AGPAT3: variants seen among roughly 807,000 people sequenced by gnomAD.
The protein encoded by AGPAT3 is 1-acylglycerol-3-phosphate O-acyltransferase 3.
Under a neutral mutation model 47.3 loss-of-function variants are expected in AGPAT3, and 5 were observed. The ratio of observed to expected loss-of-function variants is 0.11; its 90% confidence interval spans 0.06 to 0.22. The LOEUF is 0.22. Among genes scored for constraint, AGPAT3 ranks in the 10% least tolerant of loss-of-function variants. AGPAT3 has a pLI of 1.00. For missense variants in AGPAT3, 315 were observed against 493.0 expected, an observed-to-expected ratio of 0.64 and a Z score of 3.42; for synonymous variants, 212 against 208.3, an observed-to-expected ratio of 1.02 and a Z score of -0.15.
chr21:43,938,425 A>G (rs2087526573), intron 2 of AGPAT3, among the ~76,000 whole-genome samples: 1 of 141,322 alleles, frequency 7.1e-6, no homozygotes, highest in South Asian at 2.2e-4. Flanking sequence ...CTCCTGCCTC[A>G]GCCTCCTGAG....
rs1156959676 is a variant in AGPAT3 at position 43,981,553 on chromosome 21, A to G, written c.1042+366A>G. 5.9e-6 allele frequency: 2 copies of G among 338,606 alleles called. No homozygotes were observed. The highest frequency in any genetic ancestry group is 2.1e-5 in the African/African-American group (1 of 47,558). The allele number at this position is 338,606 out of a possible 1,614,324, so 21.0% of individuals were successfully genotyped here. A position where few individuals can be genotyped will look rare whatever the true frequency, so the allele number is the denominator to read the frequency against. On this transcript the variant is annotated intron_variant, in intron 9 of 9. Coordinates refer to ENST00000291572, the MANE Select transcript of AGPAT3 (RefSeq NM_020132.5). This position sits in a 1 kb window ranked among gnomAD's most constrained non-coding sequence, Gnocchi z 5.3. ...GCCATTCGGGAGGTTTAAGCAGGAC[A>G]TCATCATTCAGCTCCTCCCCATTGA...
intron 3 of AGPAT3, among the ~76,000 whole-genome samples, chr21:43,961,101 C>T (rs2088810441): frequency 6.6e-6 from 1 of 151,360 alleles, no homozygotes; most frequent in Admixed American, 6.6e-5. Context: ...GATCACACCA[C>T]TGCACCACTC....
At chr21:43,973,428 C>T (rs2089476525) in intron 7 of AGPAT3, among the ~76,000 whole-genome samples, 1 of 152,236 alleles carries the variant, frequency 6.6e-6, no homozygotes, top group African/African-American at 2.4e-5. Flanking sequence ...GCACGTCTTG[C>T]TCTCATCCTT....
rs192046441 is a variant in AGPAT3, at chr21:43,911,881, C to T, written c.-49+7862C>T. Among the ~76,000 whole-genome samples the T allele has an allele frequency of 1.7e-4, 26 of 152,330 alleles. No homozygotes were observed. In the East Asian group the frequency reaches 2.7e-3, roughly 16 times the overall value. On this transcript the variant is annotated intron_variant, in intron 2 of 9. Transcript: ENST00000291572. ...GTCACGAGGCTGCTGTGTGTCTGTG[C>T]GTGTGTCTTCTCTCAGACACTGCCT...
At chr21:43,972,947 A>AACT (rs2089459024) in intron 7 of AGPAT3, among the ~76,000 whole-genome samples, 1 of 152,214 alleles carries the variant, frequency 6.6e-6, no homozygotes, top group African/African-American at 2.4e-5. Context: ...AACCACCACC[A>AACT]ACTGAGTGTG....
At chr21:43,976,013 A>T in intron 7 of AGPAT3, among the ~76,000 whole-genome samples, 1 of 148,790 alleles carries the variant, frequency 6.7e-6, no homozygotes. Context: ...AGAAAACCAC[A>T]TTTTATTTTT....
chr21:43,922,829 G>A lies in AGPAT3; in HGVS notation c.-49+18810G>A, dbSNP rs1380882812. ...TCCGTCAGCATAGGGGCTGCCATGAGGATTGGCTGCATTTTTTCGCTGTGT... is the reference window on the plus strand; with the variant it reads ...TCCGTCAGCATAGGGGCTGCCATGAAGATTGGCTGCATTTTTTCGCTGTGT... On this transcript the variant is annotated intron_variant, in intron 2 of 9. Transcript: ENST00000291572. This position sits in a 1 kb window ranked among gnomAD's most constrained non-coding sequence, Gnocchi z 4.9. Among the ~76,000 whole-genome samples the A allele has an allele frequency of 6.6e-6, 1 of 152,178 alleles. No homozygotes were observed. Among genetic ancestry groups the A allele is most frequent in the South Asian group, 2.1e-4 (1 of 4,830 alleles).
chr21:43,967,711 C>A, intron 3 of AGPAT3: 1 of 513,724 alleles, frequency 1.9e-6, no homozygotes, highest in South Asian at 2.6e-5. Context: ...CGTCTCCATG[C>A]AGAGTGGCGG....
intron 1 of AGPAT3, among the ~76,000 whole-genome samples, chr21:43,872,288 T>G (rs570156329): frequency 6.6e-6 from 1 of 152,096 alleles, no homozygotes; most frequent in African/African-American, 2.4e-5. Context: ...TCAAGTGATT[T>G]TCCTGCTTCA....
Position 43,962,066 on chromosome 21 carries a change from T to C in AGPAT3, c.178+2207T>C, listed in dbSNP as rs190758700. Among the ~76,000 whole-genome samples, 583 of 151,408 alleles carry C rather than the reference T, an allele frequency of 3.9e-3. 9 individuals carry two copies. The highest frequency in any genetic ancestry group is 0.014 in the African/African-American group (560 of 41,148). On this transcript the variant is annotated intron_variant, in intron 3 of 9. Transcript: ENST00000291572. ...CCCAGGCTGGAGTGCAGTGGTGCGA[T>C]CTCGGCTCACTGCAAGCTCTGCCTC...
chr21:43,968,185 ACCC>A, intron 4 of AGPAT3, 70 bp downstream of exon 4: 1 of 1,098,236 alleles, frequency 9.1e-7, no homozygotes, highest in Non-Finnish European at 1.2e-6. Context: ...GTGAGCGGGG[ACCC>A]AGGGAGGGCC....
intron 2 of AGPAT3, among the ~76,000 whole-genome samples, chr21:43,957,569 C>G (rs574374746): frequency 6.8e-6 from 1 of 147,204 alleles, no homozygotes; most frequent in South Asian, 2.2e-4. Flanking sequence ...ACGGGGGTCT[C>G]GGGTTTCCCC....
At chr21:43,909,613 A>G (rs527968058) in intron 2 of AGPAT3, among the ~76,000 whole-genome samples, 11 of 152,302 alleles carry the variant, frequency 7.2e-5, no homozygotes, top group African/African-American at 2.2e-4. Context: ...ACACATTTGA[A>G]GAGGACTTTA....
rs1569111636 is a variant in AGPAT3 at position 43,981,410 on chromosome 21, C to T, written c.1042+223C>T. 1.0e-5 allele frequency: 6 copies of T among 591,964 alleles called. No individual in the cohort carries two copies. The highest frequency in any genetic ancestry group is 5.8e-5 in the East Asian group (2 of 34,774). The allele number at this position is 591,964 out of a possible 1,614,324, so 36.7% of individuals were successfully genotyped here. On this transcript the variant is annotated intron_variant, in intron 9 of 9. Transcript: ENST00000291572. The surrounding 1 kb of genome is among the most constrained non-coding windows in gnomAD (Gnocchi z 5.3). The stretch of plus-strand genomic sequence containing the variant: ...AGAGAGCCGAACGGCCGCCACCTGG[C>T]GCCATCCCCACTGCAGCCCCACTGG...
At chr21:43,901,494 G>T (rs2086355551) in intron 1 of AGPAT3, among the ~76,000 whole-genome samples, 2 of 152,074 alleles carry the variant, frequency 1.3e-5, no homozygotes, top group Admixed American at 1.3e-4. Context: ...ATAAAAAAAA[G>T]ACCTAGGGCC....
Position 43,982,502 on chromosome 21 carries a change from T to C in AGPAT3, c.*110T>C, listed in dbSNP as rs2089889993. On this transcript the variant is annotated 3_prime_UTR_variant, in exon 10 of 10. Transcript: ENST00000291572. The surrounding 1 kb of genome is among the most constrained non-coding windows in gnomAD (Gnocchi z 6.2). ...ATTAGAAACTATTTTTCTTATTAACTGGTGACTAATATTAACAAAACTTGA... is the reference window on the plus strand; with the variant it reads ...ATTAGAAACTATTTTTCTTATTAACCGGTGACTAATATTAACAAAACTTGA... 1.3e-6 allele frequency: 1 copy of C among 779,784 alleles called. No homozygotes were observed. The highest frequency in any genetic ancestry group is 2.7e-5 in the East Asian group (1 of 37,262). The allele number at this position is 779,784 out of a possible 1,614,324, so 48.3% of individuals were successfully genotyped here. A position where few individuals can be genotyped will look rare whatever the true frequency, so the allele number is the denominator to read the frequency against.
At chr21:43,892,376 C>T (rs1273167579) in intron 1 of AGPAT3, among the ~76,000 whole-genome samples, 2 of 152,066 alleles carry the variant, frequency 1.3e-5, no homozygotes, top group African/African-American at 4.8e-5. Flanking sequence ...GTCGTGTTAC[C>T]AGGTATGAAA....
intron 7 of AGPAT3, among the ~76,000 whole-genome samples, chr21:43,977,649 G>A (rs1047688589): frequency 1.3e-5 from 2 of 152,106 alleles, no homozygotes; most frequent in South Asian, 2.1e-4. Flanking sequence ...AGGCTGAGGC[G>A]GGTGGATCAC....
intron 2 of AGPAT3, among the ~76,000 whole-genome samples, chr21:43,944,838 C>T (rs1394740344): frequency 6.6e-6 from 1 of 152,228 alleles, no homozygotes; most frequent in Non-Finnish European, 1.5e-5. Context: ...AGCGCTTTTC[C>T]ATGAATCACC....
Sources: gnomAD v4.1 joint callset for allele counts (sites outside exome capture counted in the v4.1 genomes callset) on GRCh38, gnomAD v4.1.1 for gene constraint, Gnocchi (gnomAD v3.1) non-coding constraint, MANE v1.5 for transcripts, NCBI Gene and HGNC (gene_info 2026-07-23, HGNC 2026-07-21) for gene names.